CR2: variants seen among roughly 807,000 people sequenced by gnomAD.
CR2 encodes the protein complement receptor type 2.
In CR2, 96 loss-of-function variants were observed where a neutral mutation model predicts 123.0. The ratio of observed to expected loss-of-function variants is 0.78; its 90% CI spans 0.66 to 0.93. The LOEUF (loss-of-function observed/expected upper bound fraction) is 0.93. CR2 is among the 40% of genes least tolerant of loss of function. The pLI is 0.00. For synonymous variants in CR2, 484 were observed against 469.5 expected, an observed-to-expected ratio of 1.03 and a Z score of -0.40; for missense variants, 1,258 against 1,361.0, an observed-to-expected ratio of 0.92 and a Z score of 1.19.
intron 14 of CR2, 132 bp from the exon 15 acceptor site, chr1:207,476,102 G>A (rs1226915018): frequency 2.5e-6 from 2 of 791,090 alleles, no homozygotes; most frequent in Admixed American, 2.0e-5. Context: ...TGGGTGGAAT[G>A]AATGAATGTT....
chr1:207,475,106 A>G lies in CR2; in HGVS notation c.2606A>G (p.Asp869Gly), dbSNP rs1658398469. The G allele has an allele frequency of 1.2e-6, 2 of 1,612,714 alleles. No homozygotes were observed. The highest frequency in any genetic ancestry group is 1.7e-6 in the Non-Finnish European group (2 of 1,179,220). Residue 869 changes from aspartate (D) to glycine (G), a missense_variant, in exon 14 of 20, where the codon GAC becomes GGC. Coordinates refer to ENST00000367057, the MANE Select transcript of CR2 (RefSeq NM_001006658.3). Reference sequence around the variant, plus strand: ...ACACATTCTGCATATTCCCACAATGACATAGTGTATGTTGACTGCAATCCT... The same window carrying G: ...ACACATTCTGCATATTCCCACAATGGCATAGTGTATGTTGACTGCAATCCT... ...NKTHSAYSHN[D>G]IVYVDCNPGF...
chr1:207,482,192 C>T (rs1030480036), intron 18 of CR2, among the ~76,000 whole-genome samples: 3 of 151,980 alleles, frequency 2.0e-5, no homozygotes, highest in African/African-American at 7.2e-5. Context: ...ACTGAAAAAT[C>T]TTGTTTCCCT....
intron 15 of CR2, among the ~76,000 whole-genome samples, chr1:207,477,622 A>G (rs1277522755): frequency 6.6e-6 from 1 of 152,230 alleles, no homozygotes; most frequent in East Asian, 1.9e-4. Context: ...AGAAGCCATT[A>G]AAATTATCCA....
chr1:207,469,296 A>G (rs1658196534), intron 5 of CR2, 64 bp downstream of exon 5: 2 of 1,240,798 alleles, frequency 1.6e-6, no homozygotes, highest in Non-Finnish European at 2.4e-6. Context: ...CTTTTGGTTC[A>G]GTCATTACCT....
intron 14 of CR2, 24 bp from the exon 15 acceptor site, chr1:207,476,210 G>C (rs758296350): frequency 1.2e-6 from 2 of 1,611,212 alleles, no homozygotes; most frequent in East Asian, 2.2e-5. Context: ...CTGAGTTAAA[G>C]ACCCTTTCTT....
rs764104861 is a variant in CR2, at chr1:207,468,423, T to G, written c.446-104T>G. The G allele has an allele frequency of 4.2e-5, 48 of 1,142,714 alleles. 1 individual carries two copies. Among genetic ancestry groups the G allele is most frequent in the Non-Finnish European group, 5.7e-5 (44 of 772,126 alleles). The allele number at this position is 1,142,714 out of a possible 1,614,324, so 70.8% of individuals were successfully genotyped here. On this transcript the variant is annotated intron_variant, in intron 2 of 19. Coordinates refer to ENST00000367057, the MANE Select transcript of CR2 (RefSeq NM_001006658.3). ...GTGTGGCCCAAGACAATTTTTCTTCTTCCAATGTTGCCCAGGGAAGCCAAA... is the reference window on the plus strand; with the variant it reads ...GTGTGGCCCAAGACAATTTTTCTTCGTCCAATGTTGCCCAGGGAAGCCAAA...
At chr1:207,464,663 T>C (rs1250090776) in intron 1 of CR2, among the ~76,000 whole-genome samples, 1 of 152,234 alleles carries the variant, frequency 6.6e-6, no homozygotes, top group East Asian at 1.9e-4. Context: ...GTTCATTTTT[T>C]TAAAATGATA....
intron 17 of CR2, 97 bp from the exon 18 acceptor site, chr1:207,479,881 A>G: frequency 5.8e-6 from 5 of 869,158 alleles, no homozygotes; most frequent in East Asian, 2.4e-5. Context: ...GAGTCACATA[A>G]CATTTTCCCC....
intron 9 of CR2, chr1:207,471,988 G>C (rs987107355): frequency 4.8e-6 from 1 of 209,418 alleles, no homozygotes; most frequent in African/African-American, 2.3e-5. Flanking sequence ...AGTGGCTCAC[G>C]CCTATAATCC....
chr1:207,482,681 T>A (rs1450440957), intron 18 of CR2, among the ~76,000 whole-genome samples: 4 of 152,128 alleles, frequency 2.6e-5, no homozygotes, highest in Non-Finnish European at 4.4e-5. Context: ...ATATGATATT[T>A]GGTGAGGATG....
In CR2 at chr1:207,461,100, G is replaced by A. The variant is rs540046372; in HGVS notation, c.59-5426G>A. The stretch of plus-strand genomic sequence containing the variant: ...TTTGTCCCACAAATTCACAAATAGC[G>A]TACATTAGTTATGTGCAGTTTTTTT... On this transcript the variant is annotated intron_variant, in intron 1 of 19. Transcript: ENST00000367057. Among the ~76,000 whole-genome samples, 135 of 151,994 alleles carry A rather than the reference G, an allele frequency of 8.9e-4. 1 individual carries two copies. The highest frequency in any genetic ancestry group is 3.0e-3 in the African/African-American group (124 of 41,444).
Position 207,470,772 on chromosome 1 carries a change from C to T in CR2, c.1258C>T (p.Gln420Ter). ...GGCCCCTCCTAACATCCTCAATGGG[C>T]AAAAGGAAGATAGACACATGGTCCG... ...CQAPPNILNGQKEDRHMVRFD... is the reference protein window; with the variant it reads ...CQAPPNILNG Residue 420 changes from glutamine (Q) to a stop codon, truncating the protein, a stop_gained, in exon 7 of 20, where the codon CAA becomes TAA. Coordinates refer to ENST00000367057, the MANE Select transcript of CR2 (RefSeq NM_001006658.3). LOFTEE classifies it high-confidence loss of function. The T allele has an allele frequency of 6.2e-7, 1 of 1,613,754 alleles. No individual in the cohort carries two copies. Among genetic ancestry groups the T allele is most frequent in the Non-Finnish European group, 8.5e-7 (1 of 1,179,828 alleles).
chr1:207,461,453 C>T (rs926537632), intron 1 of CR2, among the ~76,000 whole-genome samples: 3 of 152,284 alleles, frequency 2.0e-5, no homozygotes, highest in African/African-American at 7.2e-5. Context: ...ACCCTTACTG[C>T]AATGATATGC....
intron 9 of CR2, chr1:207,471,882 C>T: frequency 3.3e-6 from 1 of 300,914 alleles, no homozygotes; most frequent in Non-Finnish European, 6.4e-6. Flanking sequence ...TTGTACAACT[C>T]CTCTGAAACT....
intron 1 of CR2, among the ~76,000 whole-genome samples, chr1:207,457,485 C>G (rs947029745): frequency 1.3e-5 from 2 of 152,166 alleles, no homozygotes; most frequent in African/African-American, 2.4e-5. Flanking sequence ...ACTCCATTTT[C>G]CTGTCCCTCT....
chr1:207,483,666 G>A (rs1658669534), intron 18 of CR2, among the ~76,000 whole-genome samples: 1 of 152,050 alleles, frequency 6.6e-6, no homozygotes, highest in Non-Finnish European at 1.5e-5. Context: ...GATGTGGGGA[G>A]AAGGAGGCAC....
Position 207,476,325 on chromosome 1 carries a change from G to A in CR2, c.2808G>A (p.Leu936=), listed in dbSNP as rs755195956. ...IARFSPGMSI[L]YSCDQGYLLV... ...GATTTTCTCCTGGAATGTCAATCCT[G>A]TACAGCTGTGACCAAGGCTACCTGC... Residue 936 remains leucine, a synonymous_variant, in exon 15 of 20, where the codon CTG becomes CTA. Transcript: ENST00000367057. 9.3e-6 allele frequency: 15 copies of A among 1,613,974 alleles called. No homozygotes were observed. In the East Asian group the frequency reaches 2.0e-4, roughly 22 times the overall value.
chr1:207,458,059 AAC>A (rs59735642), intron 1 of CR2, among the ~76,000 whole-genome samples: 4,075 of 122,620 alleles, frequency 0.033, 204 homozygotes, highest in African/African-American at 0.12. Flanking sequence ...TCAAGGCCAC[AAC>A]ACACACACAC....
rs1282737494 is a variant in CR2 at position 207,470,775 on chromosome 1, A to G, written c.1261A>G (p.Lys421Glu). 1.9e-6 allele frequency: 3 copies of G among 1,613,822 alleles called. No individual in the cohort carries two copies. Among genetic ancestry groups the G allele is most frequent in the East Asian group, 4.5e-5 (2 of 44,872 alleles). Residue 421 changes from lysine to glutamate, a missense_variant, in exon 7 of 20, where the codon AAG (lysine) becomes GAG (glutamate). Physicochemically the swap from Lys to Glu is moderately conservative, Grantham distance 56. Coordinates refer to ENST00000367057, the MANE Select transcript of CR2 (RefSeq NM_001006658.3). ...CCCTCCTAACATCCTCAATGGGCAA[A>G]AGGAAGATAGACACATGGTCCGCTT... ...QAPPNILNGQ[K>E]EDRHMVRFDP...
Sources: allele counts gnomAD v4.1 joint callset (sites outside exome capture counted in the v4.1 genomes callset), GRCh38; gene constraint gnomAD v4.1.1; transcripts MANE v1.5; gene names NCBI Gene and HGNC (gene_info 2026-07-23, HGNC 2026-07-21).